Variants in SLCO1B3 observed in about 807,000 individuals in gnomAD.
SLCO1B3 encodes solute carrier organic anion transporter family member 1B3.
In SLCO1B3, 72 loss-of-function variants were observed where a neutral mutation model predicts 71.8. That is an observed-to-expected ratio of 1.00 (90% confidence interval 0.83 to 1.22). SLCO1B3 has a LOEUF of 1.22. Ranked by LOEUF, SLCO1B3 falls within the 50% of genes most tolerant of loss-of-function variation. The pLI is 0.00. For synonymous variants in SLCO1B3, 298 were observed against 278.4 expected (o/e 1.07, Z -0.70); for missense variants, 911 against 819.7 (o/e 1.11, Z -1.36).
chr12:20,895,626 T>G (rs1471908531), intron 13 of SLCO1B3, among the ~76,000 whole-genome samples: 1 of 152,040 alleles, frequency 6.6e-6, no homozygotes, highest in Non-Finnish European at 1.5e-5. Context: ...CTGGCTGCCT[T>G]CTCGGGTTGG....
At position 20,862,352 on chromosome 12, in the gene SLCO1B3, A is replaced by C. The variant is rs1306237898; in HGVS notation, c.482-60A>C. 3 of 1,508,448 alleles carry C rather than the reference A, an allele frequency of 2.0e-6. No individual in the cohort carries two copies. In the African/African-American group the frequency reaches 4.2e-5, roughly 21 times the overall value. 93.4% of individuals were successfully genotyped at this position (1,508,448 alleles called of 1,614,324 possible). A position where few individuals can be genotyped will look rare whatever the true frequency, so the allele number is the denominator to read the frequency against. ...AAAAATGAAGGATTTAAAGTAGTTAAATTTCTAATAGGAATGTTAAAATTA... is the reference window on the plus strand; with the variant it reads ...AAAAATGAAGGATTTAAAGTAGTTACATTTCTAATAGGAATGTTAAAATTA... On this transcript the variant is annotated intron_variant, in intron 6 of 15. Transcript: ENST00000381545.
rs1555155316 is a variant in SLCO1B3, at chr12:20,854,305, C to CGTTATT, written c.85-723_85-722insGTTATT. Among the ~76,000 whole-genome samples the CGTTATT allele has an allele frequency of 2.0e-5, 3 of 151,188 alleles. No individual in the cohort carries two copies. In the East Asian group the frequency reaches 5.9e-4, roughly 30 times the overall value. On this transcript the variant is annotated intron_variant, in intron 3 of 15. Transcript: ENST00000381545. ...GAATGAATGCAGGATATTGAAGTAT[C>CGTTATT]ATTATTATTATTATGTTACTGTCCA...
chr12:20,865,964 T>C (rs1438789889), intron 8 of SLCO1B3, among the ~76,000 whole-genome samples: 2 of 152,096 alleles, frequency 1.3e-5, no homozygotes, highest in African/African-American at 4.8e-5. Flanking sequence ...GTTGAGAGTA[T>C]TTATTTAAAA....
intron 3 of SLCO1B3, among the ~76,000 whole-genome samples, chr12:20,831,356 CAAAAAAAA>C (rs35410136): frequency 1.2e-4 from 11 of 91,208 alleles, no homozygotes; most frequent in South Asian, 7.4e-4. Context: ...GACGCCATAT[CAAAAAAAA>C]AAAAAAAAAA....
At chr12:20,900,536 T>G (rs1866108399) in intron 14 of SLCO1B3, among the ~76,000 whole-genome samples, 1 of 152,180 alleles carries the variant, frequency 6.6e-6, no homozygotes, top group African/African-American at 2.4e-5. Context: ...CTGGAATGCC[T>G]CACAGTCATC....
intron 8 of SLCO1B3, among the ~76,000 whole-genome samples, chr12:20,864,035 C>T (rs1220996776): frequency 6.6e-6 from 1 of 152,032 alleles, no homozygotes; most frequent in East Asian, 1.9e-4. Flanking sequence ...CCTGTATTCC[C>T]TCTCTTGATG....
chr12:20,866,716 A>C (rs566837263), intron 8 of SLCO1B3, among the ~76,000 whole-genome samples: 1 of 108,846 alleles, frequency 9.2e-6, no homozygotes, highest in Non-Finnish European at 2.2e-5. Context: ...AATCCGATGA[A>C]AGTGCCCTAT....
chr12:20,845,753 T>G (rs1864904177), intron 3 of SLCO1B3, among the ~76,000 whole-genome samples: 1 of 152,170 alleles, frequency 6.6e-6, no homozygotes, highest in Non-Finnish European at 1.5e-5. Context: ...TAGAGTGTAG[T>G]TTAAGTACAT....
chr12:20,857,862 T>TA (rs1865172952), intron 4 of SLCO1B3, among the ~76,000 whole-genome samples: 1 of 152,144 alleles, frequency 6.6e-6, no homozygotes, highest in African/African-American at 2.4e-5. Flanking sequence ...TTAATCTAAA[T>TA]AATTTATACT....
intron 3 of SLCO1B3, among the ~76,000 whole-genome samples, chr12:20,827,659 T>C (rs112211122): frequency 0.12 from 18,980 of 151,952 alleles, 1,279 homozygotes; most frequent in Middle Eastern, 0.18. Flanking sequence ...GCAATCTGTA[T>C]CTCCTGGGTT....
At chr12:20,885,629 C>A (rs1182165450) in intron 13 of SLCO1B3, among the ~76,000 whole-genome samples, 1 of 151,702 alleles carries the variant, frequency 6.6e-6, no homozygotes, top group Non-Finnish European at 1.5e-5. Flanking sequence ...AAGAGAGAAG[C>A]TACAAGCCAT....
Position 20,916,147 on chromosome 12 carries a change from A to C in SLCO1B3, c.2009A>C (p.Asn670Thr), listed in dbSNP as rs566619114. ...GAAAGAAAAGTAATGGATGAAGCAA[A>C]CTTAGAATTCTTAAATAATGGTGAA... ...DNERKVMDEA[N>T]LEFLNNGEHF... The change falls in exon 16 of 16, where the codon AAC becomes ACC. Residue 670 changes from asparagine to threonine, a missense_variant. By Grantham distance (65) the Asn-to-Thr change is moderately conservative. Coordinates refer to ENST00000381545, the MANE Select transcript of SLCO1B3 (RefSeq NM_019844.4). The C allele has an allele frequency of 6.2e-7, 1 of 1,613,478 alleles. No individual in the cohort carries two copies. The highest frequency in any genetic ancestry group is 1.3e-5 in the African/African-American group (1 of 75,044).
chr12:20,914,660 T>C (rs1006568464), intron 15 of SLCO1B3, among the ~76,000 whole-genome samples: 1 of 152,150 alleles, frequency 6.6e-6, no homozygotes, highest in African/African-American at 2.4e-5. Context: ...ATTTTCCTTC[T>C]AACAAACTTC....
chr12:20,825,523 C>A (rs146075022), intron 3 of SLCO1B3, among the ~76,000 whole-genome samples: 6 of 152,166 alleles, frequency 3.9e-5, no homozygotes, highest in African/African-American at 1.4e-4. Flanking sequence ...AGGCTGGCCA[C>A]GGTGGCTCAT....
At chr12:20,868,964 C>CT (rs200063866) in intron 8 of SLCO1B3, among the ~76,000 whole-genome samples, 2,454 of 152,210 alleles carry the variant, frequency 0.016, 33 homozygotes, top group Non-Finnish European at 0.027. Flanking sequence ...TAATTTACTA[C>CT]TGCTATCTAG....
At position 20,879,399 on chromosome 12, in the gene SLCO1B3, G is replaced by A. The variant is rs368041691; in HGVS notation, c.1136-37G>A. 1.5e-5 allele frequency: 21 copies of A among 1,396,946 alleles called. No individual in the cohort carries two copies. The African/African-American group carries it at 2.9e-4, about 19-fold the overall frequency. 86.5% of individuals were successfully genotyped at this position (1,396,946 alleles called of 1,614,324 possible). Reference sequence around the variant, plus strand: ...AAGACATATCAGAAAAACCATATTTGTATAATTATAGCTTTTTTCTCTTCT... The same window carrying A: ...AAGACATATCAGAAAAACCATATTTATATAATTATAGCTTTTTTCTCTTCT... On this transcript the variant is annotated intron_variant, in intron 10 of 15. Transcript: ENST00000381545.
chr12:20,912,069 A>G (rs534809173), intron 15 of SLCO1B3, among the ~76,000 whole-genome samples: 2 of 152,212 alleles, frequency 1.3e-5, no homozygotes, highest in South Asian at 2.1e-4. Context: ...CACTGCATCC[A>G]TAACATTTGA....
In SLCO1B3 at chr12:20,855,041, C is replaced by T; in HGVS notation, c.98C>T (p.Ala33Val). The change falls in exon 4 of 16, where the codon GCC becomes GTC. Residue 33 changes from alanine to valine, a missense_variant. Coordinates refer to ENST00000381545, the MANE Select transcript of SLCO1B3 (RefSeq NM_019844.4). ...RCNGFKMFLA[A>V]LSFSYIAKAL... ...TATTGTTTTTAGATGTTCTTGGCAG[C>T]CCTGTCATTCAGCTATATTGCTAAA... 2 of 1,610,518 alleles carry T rather than the reference C, an allele frequency of 1.2e-6. No individual in the cohort carries two copies. The highest frequency in any genetic ancestry group is 2.2e-5 in the East Asian group (1 of 44,826).
intron 8 of SLCO1B3, among the ~76,000 whole-genome samples, chr12:20,874,062 AAC>A (rs1380300815): frequency 1.3e-5 from 2 of 152,196 alleles, no homozygotes; most frequent in Non-Finnish European, 2.9e-5. Flanking sequence ...TGCTGCAATA[AAC>A]ATACATGTGC....
Sources: allele counts gnomAD v4.1 joint callset (sites outside exome capture counted in the v4.1 genomes callset), GRCh38; gene constraint gnomAD v4.1.1; transcripts MANE v1.5; gene names NCBI Gene and HGNC (gene_info 2026-07-23, HGNC 2026-07-21).